The following ERI1 variants were observed in gnomAD, a reference collection of about 807,000 sequenced individuals.
The protein encoded by ERI1 is exoribonuclease 1, also known as 3'-5' exoribonuclease 1.
A neutral mutation model predicts 39.7 loss-of-function variants in ERI1; 39 were observed. The ratio of observed to expected loss-of-function variants is 0.98; its 90% CI spans 0.76 to 1.28. The LOEUF (loss-of-function observed/expected upper bound fraction) is 1.28, where lower values mean the gene tolerates loss of function less well. Ranked by LOEUF, ERI1 falls within the 50% of genes most tolerant of loss-of-function variation. The pLI, the probability that ERI1 is intolerant of heterozygous loss-of-function variation, is 0.00. For synonymous variants in ERI1, 204 were observed against 149.6 expected, an observed-to-expected ratio of 1.36 and a Z score of -2.65; for missense variants, 581 against 416.9, an observed-to-expected ratio of 1.39 and a Z score of -3.43.
chr8:9,028,658 C>G (rs1194995704), intron 6 of ERI1, among the ~76,000 whole-genome samples: 2 of 152,132 alleles, frequency 1.3e-5, no homozygotes, highest in East Asian at 1.9e-4. Flanking sequence ...GAACCTCACT[C>G]TGACGCCCAG....
At chr8:9,008,190 C>T in intron 2 of ERI1, 42 bp downstream of exon 2, 1 of 1,410,446 alleles carries the variant, frequency 7.1e-7, no homozygotes. Flanking sequence ...GTAGTACATG[C>T]TCATTTTAGA....
chr8:9,020,805 T>A (rs1817803659), intron 6 of ERI1, among the ~76,000 whole-genome samples: 1 of 152,212 alleles, frequency 6.6e-6, no homozygotes, highest in Non-Finnish European at 1.5e-5. Context: ...TGTAAATGTT[T>A]AAAATATTAT....
intron 3 of ERI1, among the ~76,000 whole-genome samples, chr8:9,053,901 T>C (rs1328441169): frequency 6.6e-6 from 1 of 152,242 alleles, no homozygotes; most frequent in Non-Finnish European, 1.5e-5. Flanking sequence ...TAACAGAGTA[T>C]AGTATTCTCT....
intron 3 of ERI1, among the ~76,000 whole-genome samples, chr8:9,081,600 T>G (rs1321338878): frequency 6.6e-6 from 1 of 152,144 alleles, no homozygotes; most frequent in Admixed American, 6.5e-5. Context: ...TTTCTTTCTA[T>G]GGCTCTCAGA....
At chr8:9,088,881 G>A (rs7825188) in intron 3 of ERI1, among the ~76,000 whole-genome samples, 21,648 of 152,206 alleles carry the variant, frequency 0.14, 1,761 homozygotes, top group Middle Eastern at 0.2. Flanking sequence ...CACATTCCCT[G>A]ACCAGGTCAT....
intron 3 of ERI1, among the ~76,000 whole-genome samples, chr8:9,066,948 CA>C (rs1798898435): frequency 6.6e-6 from 1 of 152,072 alleles, no homozygotes; most frequent in Non-Finnish European, 1.5e-5. Context: ...AGCTACCTTG[CA>C]ATGTGGCAGA....
Position 9,011,578 on chromosome 8 carries a change from CTA to C in ERI1, c.326_327del (p.Tyr109LeufsTer2). ...ATGTTCTAAAGAAGAGACTGAAAAA[CTA>C]TTATAAGAAGCAGAAGCTGATGCTG... ...KDVLKKRLKN[Y>X]YKKQKLMLKE... On this transcript the variant is annotated frameshift_variant, in exon 3 of 7. Coordinates refer to ENST00000250263, the MANE Select transcript of ERI1 (RefSeq NM_153332.4). LOFTEE classifies it high-confidence loss of function. The C allele has an allele frequency of 6.2e-7, 1 of 1,612,048 alleles. No homozygotes were observed. The highest frequency in any genetic ancestry group is 8.5e-7 in the Non-Finnish European group (1 of 1,178,942).
At chr8:9,081,572 A>G (rs1234048771) in intron 3 of ERI1, among the ~76,000 whole-genome samples, 3 of 151,846 alleles carry the variant, frequency 2.0e-5, no homozygotes, top group Non-Finnish European at 4.4e-5. Flanking sequence ...CCCCTCTGCT[A>G]CCCATTTCTT....
intron 4 of ERI1, among the ~76,000 whole-genome samples, chr8:9,017,469 A>C (rs1012061184): frequency 6.6e-6 from 1 of 152,184 alleles, no homozygotes; most frequent in Non-Finnish European, 1.5e-5. Flanking sequence ...CAGCATTTGT[A>C]TATATCTTTA....
chr8:9,075,707 G>C (rs1799189520), intron 3 of ERI1, among the ~76,000 whole-genome samples: 1 of 152,052 alleles, frequency 6.6e-6, no homozygotes, highest in Non-Finnish European at 1.5e-5. Flanking sequence ...CAGGGAAAAT[G>C]AACATGAACT....
intron 1 of ERI1, among the ~76,000 whole-genome samples, chr8:9,004,684 CTTTTTT>C (rs1279162284): frequency 7.9e-6 from 1 of 126,804 alleles, no homozygotes; most frequent in Non-Finnish European, 1.7e-5. Context: ...AGTAATGATA[CTTTTTT>C]TTTTTTTTTT....
intron 3 of ERI1, among the ~76,000 whole-genome samples, chr8:9,090,632 A>T (rs1799674110): frequency 6.6e-6 from 1 of 152,244 alleles, no homozygotes; most frequent in African/African-American, 2.4e-5. Context: ...AAAAGAGAAG[A>T]AATGAGAAAG....
At chr8:9,050,176 A>G (rs1015164181) in intron 3 of ERI1, among the ~76,000 whole-genome samples, 31 of 151,730 alleles carry the variant, frequency 2.0e-4, no homozygotes, top group African/African-American at 7.2e-4. Flanking sequence ...TGGTCAAAAA[A>G]AAAAAAAAAG....
chr8:9,050,488 C>T (rs185293664), intron 3 of ERI1, among the ~76,000 whole-genome samples: 7 of 131,248 alleles, frequency 5.3e-5, no homozygotes, highest in African/African-American at 2.0e-4. Flanking sequence ...GCCTGGGCAA[C>T]AAGAGTGAAA....
chr8:9,016,998 A>T (rs1290594430), intron 4 of ERI1, among the ~76,000 whole-genome samples: 2 of 151,800 alleles, frequency 1.3e-5, no homozygotes, highest in African/African-American at 4.8e-5. Context: ...TAAGTTTTAG[A>T]ATGTATCTGT....
chr8:9,069,272 C>G (rs1000775836), intron 3 of ERI1, among the ~76,000 whole-genome samples: 2 of 152,178 alleles, frequency 1.3e-5, no homozygotes, highest in African/African-American at 4.8e-5. Context: ...CTCTCTGAAG[C>G]TGGGTATGAT....
At chr8:9,081,779 G>C (rs1799379701) in intron 3 of ERI1, among the ~76,000 whole-genome samples, 1 of 151,726 alleles carries the variant, frequency 6.6e-6, no homozygotes, top group Non-Finnish European at 1.5e-5. Context: ...AAGAAAGAAA[G>C]AAGCTCCCCT....
chr8:9,018,918 G>A (rs1049740860), intron 5 of ERI1, among the ~76,000 whole-genome samples: 1 of 152,040 alleles, frequency 6.6e-6, no homozygotes, highest in African/African-American at 2.4e-5. Flanking sequence ...CAACGCCATT[G>A]ATCTTTTTTT....
intron 3 of ERI1, among the ~76,000 whole-genome samples, chr8:9,014,869 G>A (rs1352990336): frequency 3.9e-5 from 6 of 151,930 alleles, no homozygotes; most frequent in Non-Finnish European, 7.4e-5. Flanking sequence ...ATGGAGTCTT[G>A]CTTTGTCACC....
Sources: allele counts gnomAD v4.1 joint callset (sites outside exome capture counted in the v4.1 genomes callset), GRCh38; gene constraint gnomAD v4.1.1; transcripts MANE v1.5; gene names NCBI Gene and HGNC (gene_info 2026-07-23, HGNC 2026-07-21).